Variants in UNC5D observed in about 807,000 individuals in gnomAD.
The protein encoded by UNC5D is unc-5 netrin receptor D.
Under a neutral mutation model 105.4 loss-of-function variants are expected in UNC5D, and 39 were observed. The ratio of observed to expected loss-of-function variants is 0.37; its 90% CI spans 0.29 to 0.48. The LOEUF (loss-of-function observed/expected upper bound fraction) is 0.48, where lower values mean the gene tolerates loss of function less well. UNC5D is among the 20% of genes least tolerant of loss of function. The pLI is 0.98. For missense variants in UNC5D, 991 were observed against 1,202.4 expected (o/e 0.82, Z 2.60); for synonymous variants, 452 against 450.4 (o/e 1.00, Z -0.04).
At chr8:35,738,609 T>C (rs1203967331) in intron 11 of UNC5D, among the ~76,000 whole-genome samples, 1 of 152,240 alleles carries the variant, frequency 6.6e-6, no homozygotes, top group East Asian at 1.9e-4. Flanking sequence ...GATAACTCCC[T>C]GCATCAATTC....
In UNC5D at chr8:35,611,801, A is replaced by T. The variant is rs115146297; in HGVS notation, c.570+16144A>T. ...TTTGCTCTTTTCAAAACAATTCATT[A>T]TCCCACACTGCACTTTTTTATACTC... On this transcript the variant is annotated intron_variant, in intron 4 of 16. Transcript: ENST00000404895. Among the ~76,000 whole-genome samples, 964 of 152,326 alleles carry T rather than the reference A, an allele frequency of 6.3e-3. 5 individuals are homozygous for T. The highest frequency in any genetic ancestry group is 0.022 in the African/African-American group (925 of 41,560).
intron 1 of UNC5D, among the ~76,000 whole-genome samples, chr8:35,276,106 A>C (rs1358118312): frequency 6.6e-6 from 1 of 152,204 alleles, no homozygotes; most frequent in Non-Finnish European, 1.5e-5. Context: ...ATTTCAGTGT[A>C]CATCTATTTA....
intron 12 of UNC5D, 152 bp downstream of exon 12, chr8:35,748,847 A>C: frequency 1.2e-6 from 1 of 820,204 alleles, no homozygotes; most frequent in Non-Finnish European, 1.8e-6. Context: ...CATATTGGCT[A>C]GTTGTTTTTC....
At chr8:35,287,908 G>A (rs1405690595) in intron 1 of UNC5D, among the ~76,000 whole-genome samples, 6 of 152,004 alleles carry the variant, frequency 3.9e-5, no homozygotes, top group African/African-American at 9.7e-5. Context: ...TGAAATTATC[G>A]AATCAAAGCA....
chr8:35,492,892 G>A (rs983653085), intron 1 of UNC5D, among the ~76,000 whole-genome samples: 22 of 152,140 alleles, frequency 1.4e-4, no homozygotes, highest in African/African-American at 5.1e-4. Flanking sequence ...AGGTCTCCTA[G>A]GTAATCTTTC....
At chr8:35,728,383 C>T (rs1380688941) in intron 10 of UNC5D, among the ~76,000 whole-genome samples, 1 of 152,070 alleles carries the variant, frequency 6.6e-6, no homozygotes, top group East Asian at 1.9e-4. Context: ...GAGATGAAAT[C>T]ATGATGAACC....
rs148010812 is a variant in UNC5D at position 35,523,270 on chromosome 8, T to C, written c.104-26022T>C. 2.5e-3 allele frequency among the ~76,000 whole-genome samples: 380 copies of C among 152,016 alleles called. 2 individuals are homozygous for C. The highest frequency in any genetic ancestry group is 7.2e-3 in the African/African-American group (298 of 41,482). On this transcript the variant is annotated intron_variant, in intron 1 of 16. Coordinates refer to ENST00000404895, the MANE Select transcript of UNC5D (RefSeq NM_080872.4). Reference sequence around the variant, plus strand: ...GCTAACTTTTTATTTTTTGTAGAGATTGGGGTGTTACTATGTTGCCCAGGC... The same window carrying C: ...GCTAACTTTTTATTTTTTGTAGAGACTGGGGTGTTACTATGTTGCCCAGGC...
intron 14 of UNC5D, among the ~76,000 whole-genome samples, 163 bp from the exon 15 acceptor site, chr8:35,766,736 TACA>T (rs908329622): frequency 3.3e-5 from 5 of 152,374 alleles, no homozygotes; most frequent in Admixed American, 6.5e-5. Context: ...ACATTATTTT[TACA>T]ACAATTCCAC....
At chr8:35,742,045 C>G (rs1456958823) in intron 11 of UNC5D, among the ~76,000 whole-genome samples, 1 of 152,188 alleles carries the variant, frequency 6.6e-6, no homozygotes, top group East Asian at 1.9e-4. Flanking sequence ...TGCTCACTTC[C>G]TGTTCTCCCT....
intron 3 of UNC5D, among the ~76,000 whole-genome samples, chr8:35,578,652 A>T (rs1054786890): frequency 2.6e-5 from 4 of 152,214 alleles, no homozygotes; most frequent in African/African-American, 9.6e-5. Flanking sequence ...GGGGTTAATC[A>T]ATTTTTCTCC....
intron 1 of UNC5D, among the ~76,000 whole-genome samples, chr8:35,261,795 C>T (rs1000314129): frequency 2.0e-5 from 3 of 152,110 alleles, no homozygotes; most frequent in Admixed American, 6.6e-5. Flanking sequence ...AGTTTTATAA[C>T]AGGGACCATT....
At chr8:35,605,088 G>C (rs1586231419) in intron 4 of UNC5D, among the ~76,000 whole-genome samples, 1 of 152,178 alleles carries the variant, frequency 6.6e-6, no homozygotes, top group Admixed American at 6.5e-5. Context: ...TGCTGGTGAG[G>C]AGCTGCGTTC....
intron 1 of UNC5D, among the ~76,000 whole-genome samples, chr8:35,383,906 C>T (rs1803200582): frequency 6.6e-6 from 1 of 151,944 alleles, no homozygotes; most frequent in Non-Finnish European, 1.5e-5. Flanking sequence ...TAACAAGACC[C>T]TGTCTCTACT....
chr8:35,351,603 A>G (rs913420500), intron 1 of UNC5D, among the ~76,000 whole-genome samples: 3 of 152,040 alleles, frequency 2.0e-5, no homozygotes, highest in African/African-American at 7.2e-5. Flanking sequence ...ATAAAGACTG[A>G]GGATTATTGT....
intron 16 of UNC5D, among the ~76,000 whole-genome samples, chr8:35,778,231 G>A (rs1011788481): frequency 6.6e-6 from 1 of 152,208 alleles, no homozygotes; most frequent in Non-Finnish European, 1.5e-5. Context: ...GGTTACAGCA[G>A]AGCTGGCCAC....
intron 1 of UNC5D, among the ~76,000 whole-genome samples, chr8:35,263,624 C>T (rs942881945): frequency 6.6e-6 from 1 of 152,202 alleles, no homozygotes; most frequent in African/African-American, 2.4e-5. Context: ...AGCCACACAT[C>T]TGTAGCTTTG....
chr8:35,429,450 G>T (rs1019476987), intron 1 of UNC5D, among the ~76,000 whole-genome samples: 31 of 152,086 alleles, frequency 2.0e-4, no homozygotes, highest in African/African-American at 6.5e-4. Context: ...AGCTCAAATG[G>T]TTACTTACAG....
intron 3 of UNC5D, among the ~76,000 whole-genome samples, chr8:35,582,380 T>G (rs2130846922): frequency 6.6e-6 from 1 of 152,348 alleles, no homozygotes; most frequent in East Asian, 1.9e-4. Context: ...GTCGTTTTAT[T>G]TTTTAAAAAA....
At chr8:35,664,325 T>C (rs1824294024) in intron 4 of UNC5D, among the ~76,000 whole-genome samples, 1 of 152,198 alleles carries the variant, frequency 6.6e-6, no homozygotes, top group Non-Finnish European at 1.5e-5. Context: ...GGATGTTTGT[T>C]TTAATTGGGT....
Sources: allele counts gnomAD v4.1 joint callset (sites outside exome capture counted in the v4.1 genomes callset), GRCh38; gene constraint gnomAD v4.1.1; transcripts MANE v1.5; gene names NCBI Gene and HGNC (gene_info 2026-07-23, HGNC 2026-07-21).